The following TMEM156 variants were observed in gnomAD, a reference collection of about 807,000 sequenced individuals.
TMEM156 encodes transmembrane protein 156.
TMEM156 carries 28 observed loss-of-function variants against 30.5 expected under a neutral mutation model. The observed-to-expected ratio is 0.92, with a 90% CI of 0.68 to 1.26. The LOEUF (loss-of-function observed/expected upper bound fraction) is 1.26. Among genes scored for constraint, TMEM156 ranks in the 50% most tolerant of loss-of-function variants. The probability of loss-of-function intolerance (pLI) is 0.00; values close to 1 mark genes in which losing one functional copy is unlikely to be tolerated. For missense variants in TMEM156, 351 were observed against 340.6 expected, an observed-to-expected ratio of 1.03 and a Z score of -0.24; for synonymous variants, 137 against 119.9, an observed-to-expected ratio of 1.14 and a Z score of -0.93.
intron 5 of TMEM156, 44 bp downstream of exon 5, chr4:38,986,292 G>T: frequency 7.2e-7 from 1 of 1,385,446 alleles, no homozygotes; most frequent in Non-Finnish European, 1.0e-6. Flanking sequence ...ATGCAGCTTT[G>T]GAATTTCCTG....
intron 5 of TMEM156, among the ~76,000 whole-genome samples, chr4:38,979,012 A>T (rs1468492802): frequency 6.6e-6 from 1 of 152,176 alleles, no homozygotes; most frequent in Non-Finnish European, 1.5e-5. Context: ...TCCCACACGG[A>T]TCTGTCTTGG....
chr4:39,015,007 T>C (rs1354586291), intron 1 of TMEM156, among the ~76,000 whole-genome samples: 1 of 152,208 alleles, frequency 6.6e-6, no homozygotes, highest in South Asian at 2.1e-4. Flanking sequence ...TTAATTGTTG[T>C]AAAACTCTTG....
chr4:39,015,003 G>A (rs1714384958), intron 1 of TMEM156, among the ~76,000 whole-genome samples: 1 of 152,080 alleles, frequency 6.6e-6, no homozygotes, highest in Admixed American at 6.6e-5. Context: ...TTCTTTAATT[G>A]TTGTAAAACT....
At chr4:38,996,306 C>A (rs1712928580) in intron 2 of TMEM156, among the ~76,000 whole-genome samples, 1 of 150,864 alleles carries the variant, frequency 6.6e-6, no homozygotes, top group South Asian at 2.1e-4. Context: ...CACCTGTAAT[C>A]CCAATACTTC....
chr4:39,011,890 T>C (rs1714146409), intron 1 of TMEM156, among the ~76,000 whole-genome samples: 2 of 152,186 alleles, frequency 1.3e-5, no homozygotes, highest in African/African-American at 4.8e-5. Flanking sequence ...CTGAAGGCCA[T>C]TATCCCAAGC....
chr4:39,011,098 A>G (rs768765453), intron 1 of TMEM156, among the ~76,000 whole-genome samples: 1 of 152,182 alleles, frequency 6.6e-6, no homozygotes, highest in Non-Finnish European at 1.5e-5. Context: ...AAAGTGGGCA[A>G]AGTACATGAA....
intron 3 of TMEM156, among the ~76,000 whole-genome samples, chr4:38,992,772 G>T (rs201320005): frequency 0.34 from 31,458 of 92,566 alleles, 4,064 homozygotes; most frequent in East Asian, 0.49. Flanking sequence ...ATTTTTTTTT[G>T]TCTTTTCAAG....
At chr4:38,991,806 A>G (rs1024910085) in intron 3 of TMEM156, among the ~76,000 whole-genome samples, 9 of 152,178 alleles carry the variant, frequency 5.9e-5, no homozygotes, top group African/African-American at 2.2e-4. Context: ...GATGTCTATA[A>G]TCTAAACTTC....
At chr4:38,985,416 G>A (rs1299924631) in intron 5 of TMEM156, among the ~76,000 whole-genome samples, 6 of 152,100 alleles carry the variant, frequency 3.9e-5, no homozygotes, top group African/African-American at 7.2e-5. Flanking sequence ...TCAAGCTAGG[G>A]TTCCGTGTAT....
chr4:38,982,223 G>T lies in TMEM156; in HGVS notation c.823+4113C>A, dbSNP rs7660400. ...TCCTGCCTTGGAACATCGGATTCCAGTGTTCTTCAGCTTTGGGACTCGGAC... is the reference window on the plus strand; with the variant it reads ...TCCTGCCTTGGAACATCGGATTCCATTGTTCTTCAGCTTTGGGACTCGGAC... On this transcript the variant is annotated intron_variant, in intron 5 of 6. Coordinates refer to ENST00000381938, the MANE Select transcript of TMEM156 (RefSeq NM_024943.3). 2.2e-3 allele frequency among the ~76,000 whole-genome samples: 329 copies of T among 152,022 alleles called. 3 individuals are homozygous for T. The highest frequency in any genetic ancestry group is 2.9e-3 in the Non-Finnish European group (196 of 67,968).
At chr4:38,969,083 G>A (rs546103650) in intron 6 of TMEM156, among the ~76,000 whole-genome samples, 26 of 152,282 alleles carry the variant, frequency 1.7e-4, no homozygotes, top group African/African-American at 5.8e-4. Flanking sequence ...GAATACTTAG[G>A]ATATCTGTCG....
At chr4:38,982,913 T>TCAGGGGTGATGA (rs1711690143) in intron 5 of TMEM156, among the ~76,000 whole-genome samples, 1 of 152,210 alleles carries the variant, frequency 6.6e-6, no homozygotes, top group Non-Finnish European at 1.5e-5. Flanking sequence ...TGTGGACATG[T>TCAGGGGTGATGA]CAGGGGTGAT....
In TMEM156 at chr4:38,988,772, A is replaced by G. The variant is rs752327687; in HGVS notation, c.739+79T>C. The stretch of plus-strand genomic sequence containing the variant: ...CTTATTCACAGTAGGTGCACAAGAA[A>G]TGCTAAATTGTACTAAAAAGGAAAT... On this transcript the variant is annotated intron_variant, in intron 4 of 6. Transcript: ENST00000381938. 360 of 1,573,392 alleles carry G rather than the reference A, an allele frequency of 2.3e-4. 3 individuals carry two copies. Among genetic ancestry groups the G allele is most frequent in the Admixed American group, 1.8e-3 (100 of 55,520 alleles).
chr4:39,029,713 CAAAAAAAA>C (rs1162125684), intron 1 of TMEM156, among the ~76,000 whole-genome samples: 60 of 1,954 alleles, frequency 0.031, 10 homozygotes, highest in Middle Eastern at 0.17. Flanking sequence ...GACTCCGTCT[CAAAAAAAA>C]AAAAAAAAAA....
At chr4:39,001,640 A>G in intron 1 of TMEM156, among the ~76,000 whole-genome samples, 1 of 151,336 alleles carries the variant, frequency 6.6e-6, no homozygotes, top group Non-Finnish European at 1.5e-5. Context: ...CTATACTACA[A>G]GGCTACAGTA....
chr4:38,991,037 G>A (rs1400574512), intron 3 of TMEM156, among the ~76,000 whole-genome samples: 1 of 151,260 alleles, frequency 6.6e-6, no homozygotes, highest in Non-Finnish European at 1.5e-5. Context: ...GTTTCACCAT[G>A]TTAGTCAGGC....
rs1461051417 is a variant in TMEM156, at chr4:38,970,730, TCTAA to T, written c.*38+298_*38+301del. On this transcript the variant is annotated intron_variant, in intron 6 of 6. Coordinates refer to ENST00000381938, the MANE Select transcript of TMEM156 (RefSeq NM_024943.3). ...CATCTCATTCTCTATTTTCTCATAG[TCTAA>T]CTAAGTTATGGCTCAACTCCGGAAA... Among the ~76,000 whole-genome samples the T allele has an allele frequency of 2.6e-5, 4 of 152,202 alleles. No individual in the cohort carries two copies. In the East Asian group the frequency reaches 7.7e-4, roughly 29 times the overall value.
intron 1 of TMEM156, among the ~76,000 whole-genome samples, chr4:39,019,969 C>T (rs764428807): frequency 6.6e-6 from 1 of 152,150 alleles, no homozygotes; most frequent in Non-Finnish European, 1.5e-5. Context: ...CCCACCCTGT[C>T]GTCCACGGTA....
At chr4:38,991,381 T>G (rs4522870) in intron 3 of TMEM156, among the ~76,000 whole-genome samples, 1 of 151,370 alleles carries the variant, frequency 6.6e-6, no homozygotes. Context: ...GCACCACACC[T>G]AGCTTATTTT....
Sources: allele counts gnomAD v4.1 joint callset (sites outside exome capture counted in the v4.1 genomes callset), GRCh38; gene constraint gnomAD v4.1.1; transcripts MANE v1.5; gene names NCBI Gene and HGNC (gene_info 2026-07-23, HGNC 2026-07-21).